Variants in KLRG1 observed in about 807,000 individuals in gnomAD.
KLRG1 encodes the protein killer cell lectin like receptor G1.
A neutral mutation model predicts 21.8 loss-of-function variants in KLRG1; 16 were observed. That is an observed-to-expected ratio of 0.73 (90% CI 0.50 to 1.11). KLRG1 has a LOEUF of 1.11. Ranked by LOEUF, KLRG1 falls within the 50% of genes most tolerant of loss-of-function variation. The pLI is 0.00. For missense variants in KLRG1, 173 were observed against 218.3 expected (o/e 0.79, Z 1.31); for synonymous variants, 69 against 75.9 (o/e 0.91, Z 0.47).
chr12:9,181,871 C>A, the KLRG1 span: 1 of 1,280,668 alleles, frequency 7.8e-7, no homozygotes, highest in Non-Finnish European at 1.1e-6. Flanking sequence ...AACTGTTGGG[C>A]AACTCATTTT....
chr12:9,206,480 C>T, the KLRG1 span, among the ~76,000 whole-genome samples: 1 of 152,168 alleles, frequency 6.6e-6, no homozygotes, highest in Admixed American at 6.5e-5. Context: ...TATGTTTACT[C>T]AATCATGAAT....
At chr12:9,139,742 C>T in the KLRG1 span, among the ~76,000 whole-genome samples, 2 of 152,066 alleles carry the variant, frequency 1.3e-5, no homozygotes, top group Admixed American at 1.3e-4. Context: ...ATAAGTGTAG[C>T]CACTCCTCCT....
At chr12:9,155,492 ATTGTTG>A in the KLRG1 span, among the ~76,000 whole-genome samples, 2 of 151,274 alleles carry the variant, frequency 1.3e-5, no homozygotes, top group African/African-American at 4.9e-5. Context: ...TGTTGTTGTT[ATTGTTG>A]TTGTTGTTGT....
the KLRG1 span, among the ~76,000 whole-genome samples, chr12:9,099,786 A>G: frequency 2.0e-5 from 3 of 152,212 alleles, no homozygotes; most frequent in Non-Finnish European, 4.4e-5. Flanking sequence ...ATTCACTACC[A>G]TTTGATCTAG....
At chr12:8,982,901 C>T (rs1199005788) in intron 1 of KLRG1, among the ~76,000 whole-genome samples, 1 of 152,120 alleles carries the variant, frequency 6.6e-6, no homozygotes, top group Non-Finnish European at 1.5e-5. Flanking sequence ...CCGCCTCAGC[C>T]TCCCAAAGTT....
Position 9,010,119 on chromosome 12 carries a change from G to A in KLRG1, c.*582G>A, listed in dbSNP as rs1947600242. 1 of 981,212 alleles carries A rather than the reference G, an allele frequency of 1.0e-6. No individual in the cohort carries two copies. The highest frequency in any genetic ancestry group is 2.0e-5 in the Admixed American group (1 of 48,842). The allele number at this position is 981,212 out of a possible 1,614,324, so 60.8% of individuals were successfully genotyped here. A position where few individuals can be genotyped will look rare whatever the true frequency, so the allele number is the denominator to read the frequency against. On this transcript the variant is annotated 3_prime_UTR_variant, in exon 5 of 5. Coordinates refer to ENST00000356986, the MANE Select transcript of KLRG1 (RefSeq NM_005810.4). ...GAGGGTCGCTTGAGCCCAGGAGTTTGAGGCTGCAGTGAGCTATGATTGTGC... is the reference window on the plus strand; with the variant it reads ...GAGGGTCGCTTGAGCCCAGGAGTTTAAGGCTGCAGTGAGCTATGATTGTGC...
the KLRG1 span, among the ~76,000 whole-genome samples, chr12:9,149,291 G>A: frequency 6.6e-6 from 1 of 152,228 alleles, no homozygotes; most frequent in Non-Finnish European, 1.5e-5. Context: ...GTTGAAGGAA[G>A]CCCAATTAGC....
At chr12:9,152,297 G>A in the KLRG1 span, 88 of 1,612,350 alleles carry the variant, frequency 5.5e-5, no homozygotes, top group South Asian at 6.6e-5. Flanking sequence ...GAAGCAGGAC[G>A]GTTTCCTGTG....
the KLRG1 span, among the ~76,000 whole-genome samples, chr12:9,146,320 G>A: frequency 6.6e-6 from 1 of 151,464 alleles, no homozygotes; most frequent in Non-Finnish European, 1.5e-5. Context: ...AACTCTTATA[G>A]TGAATTTTTA....
At chr12:9,017,045 C>T in the KLRG1 span, among the ~76,000 whole-genome samples, 1 of 151,814 alleles carries the variant, frequency 6.6e-6, no homozygotes, top group African/African-American at 2.4e-5. Context: ...GCGGGCAGAT[C>T]GCAAGGTCAG....
At chr12:9,014,924 T>C (rs2137470313), downstream of KLRG1, among the ~76,000 whole-genome samples, 1 of 152,294 alleles carries the variant, frequency 6.6e-6, no homozygotes, top group South Asian at 2.1e-4. Context: ...ATTCAATCAG[T>C]GTTAAGTTGT....
At chr12:9,165,976 T>G in the KLRG1 span, 1 of 1,499,516 alleles carries the variant, frequency 6.7e-7, no homozygotes, top group Non-Finnish European at 8.9e-7. Context: ...TTCAGGAAGA[T>G]TGTCTTAGAA....
At chr12:9,170,857 C>T in the KLRG1 span, among the ~76,000 whole-genome samples, 14,398 of 152,130 alleles carry the variant, frequency 0.095, 791 homozygotes, top group South Asian at 0.23. This position sits in a 1 kb window ranked among gnomAD's most constrained non-coding sequence, Gnocchi z 4.6. Context: ...TCCCTGGGAC[C>T]GAGCTCCTGG....
chr12:9,024,235 C>T, the KLRG1 span, among the ~76,000 whole-genome samples: 11,322 of 151,654 alleles, frequency 0.075, 639 homozygotes, highest in Non-Finnish European at 0.11. Flanking sequence ...CTATGTTGGC[C>T]GGGCTAGTCT....
chr12:9,106,187 AATT>A, the KLRG1 span: 1 of 1,082,048 alleles, frequency 9.2e-7, no homozygotes, highest in Admixed American at 1.8e-5. Flanking sequence ...CTATTGTGCT[AATT>A]AGGTAACAGT....
chr12:9,175,687 C>T, the KLRG1 span, among the ~76,000 whole-genome samples: 2 of 152,078 alleles, frequency 1.3e-5, no homozygotes, highest in East Asian at 3.9e-4. Context: ...ATACATACAG[C>T]CAACAAACAT....
chr12:9,097,500 A>G, the KLRG1 span, among the ~76,000 whole-genome samples: 9 of 152,182 alleles, frequency 5.9e-5, no homozygotes, highest in African/African-American at 2.2e-4. Context: ...CCATATTTTC[A>G]AAGAGTTCAG....
In KLRG1 at chr12:9,008,955, G is replaced by A. The variant is rs1446643579; in HGVS notation, c.358-20G>A. 6.3e-7 allele frequency: 1 copy of A among 1,578,814 alleles called. No homozygotes were observed. Among genetic ancestry groups the A allele is most frequent in the African/African-American group, 1.4e-5 (1 of 72,964 alleles). ...ACTGTGACACTAGGTCCCTTTTTTG[G>A]TTTTCAACCTCTCCCTTAGAGCCTG... On this transcript the variant is annotated intron_variant, in intron 3 of 4. Transcript: ENST00000356986.
the KLRG1 span, chr12:9,201,378 T>C: frequency 1.3e-6 from 2 of 1,537,438 alleles, no homozygotes; most frequent in Non-Finnish European, 1.8e-6. Context: ...AGAGATGTGA[T>C]TAGAATTCCA....
Sources: gnomAD v4.1 joint callset for allele counts (sites outside exome capture counted in the v4.1 genomes callset) on GRCh38, gnomAD v4.1.1 for gene constraint, Gnocchi (gnomAD v3.1) non-coding constraint, MANE v1.5 for transcripts, NCBI Gene and HGNC (gene_info 2026-07-23, HGNC 2026-07-21) for gene names.